Variants in SLC12A4 observed in about 807,000 individuals in gnomAD.
The protein encoded by SLC12A4 is electroneutral potassium-chloride cotransporter 1.
SLC12A4 carries 84 observed loss-of-function variants against 119.2 expected under a neutral mutation model. The ratio of observed to expected loss-of-function variants is 0.70; its 90% confidence interval spans 0.59 to 0.85. The LOEUF is 0.85. SLC12A4 is among the 40% of genes least tolerant of loss of function. SLC12A4 has a pLI of 0.00. For missense variants in SLC12A4, 1,298 were observed against 1,476.3 expected (o/e 0.88, Z 1.98); for synonymous variants, 599 against 604.6 (o/e 0.99, Z 0.14).
At chr16:67,953,112 A>G (rs1448240875) in intron 6 of SLC12A4, among the ~76,000 whole-genome samples, 1 of 151,904 alleles carries the variant, frequency 6.6e-6, no homozygotes, top group East Asian at 1.9e-4. Context: ...AAATAAATGA[A>G]TAGGCCGGGC....
Position 67,952,392 on chromosome 16 carries a change from G to C in SLC12A4, c.709C>G (p.Pro237Ala). The C allele has an allele frequency of 6.2e-7, 1 of 1,614,108 alleles. No homozygotes were observed. Among genetic ancestry groups the C allele is most frequent in the Non-Finnish European group, 8.5e-7 (1 of 1,179,982 alleles). Residue 237 changes from proline to alanine, a missense_variant, in exon 7 of 24, where the codon CCA (proline) becomes GCA (alanine). Physicochemically the swap from Pro to Ala is conservative, Grantham distance 27. Transcript: ENST00000316341. ...TTCGACGTGTCATGAGCACCCGATG[G>C]GTAAAAAATGGCAGCTGGTGGGGCA... is the stretch of plus-strand genomic sequence containing the variant. ...YIAPPAAIFYPSGAHDTSNAT... is the reference protein window; with the variant it reads ...YIAPPAAIFYASGAHDTSNAT...
At position 67,943,574 on chromosome 16, in the gene SLC12A4, C is replaced by T; in HGVS notation, c.*1266G>A. ...ATAGGGGCCGGGCATGGATGGGCCT[C>T]TCCTGCTCACCGATCCTGGGCTGGG... is the stretch of plus-strand genomic sequence containing the variant. On this transcript the variant is annotated 3_prime_UTR_variant, in exon 24 of 24. Transcript: ENST00000316341. The surrounding 1 kb of genome is among the most constrained non-coding windows in gnomAD (Gnocchi z 4.6). 1 of 506,686 alleles carries T rather than the reference C, an allele frequency of 2.0e-6. No homozygotes were observed. Among genetic ancestry groups the T allele is most frequent in the Non-Finnish European group, 3.6e-6 (1 of 277,736 alleles). The allele number at this position is 506,686 out of a possible 1,614,324, so 31.4% of individuals were successfully genotyped here.
In SLC12A4 at chr16:67,950,589, G is replaced by C; in HGVS notation, c.1454+65C>G. The C allele has an allele frequency of 6.2e-7, 1 of 1,607,584 alleles. No homozygotes were observed. The highest frequency in any genetic ancestry group is 8.5e-7 in the Non-Finnish European group (1 of 1,176,484). ...CAGGCTTAGGACCACCCACGGGGTT[G>C]GGAGCTGGTGTGAGGGCAGGCCAAA... On this transcript the variant is annotated intron_variant, in intron 11 of 23. Transcript: ENST00000316341. The surrounding 1 kb of genome is among the most constrained non-coding windows in gnomAD (Gnocchi z 4.3).
intron 5 of SLC12A4, 49 bp from the exon 6 acceptor site, chr16:67,954,822 C>T: frequency 6.2e-7 from 1 of 1,610,340 alleles, no homozygotes; most frequent in South Asian, 1.1e-5. Context: ...GGTTCTTCTT[C>T]AAGGGGTCTC....
intron 6 of SLC12A4, among the ~76,000 whole-genome samples, chr16:67,952,651 C>T (rs1421976879): frequency 1.3e-5 from 2 of 148,662 alleles, no homozygotes; most frequent in Non-Finnish European, 3.0e-5. Flanking sequence ...ATTAGCCGGG[C>T]GTGGTGGCAC....
intron 6 of SLC12A4, chr16:67,954,223 A>C (rs1402415232): frequency 8.8e-6 from 3 of 339,628 alleles, no homozygotes; most frequent in South Asian, 6.5e-5. Flanking sequence ...GCTTACCCTG[A>C]TTGAAGGACA....
chr16:67,943,656 T>G lies in SLC12A4; in HGVS notation c.*1184A>C. 1 of 524,250 alleles carries G rather than the reference T, an allele frequency of 1.9e-6. No homozygotes were observed. The highest frequency in any genetic ancestry group is 3.4e-6 in the Non-Finnish European group (1 of 291,368). The allele number at this position is 524,250 out of a possible 1,614,324, so 32.5% of individuals were successfully genotyped here. On this transcript the variant is annotated 3_prime_UTR_variant, in exon 24 of 24. Coordinates refer to ENST00000316341, the MANE Select transcript of SLC12A4 (RefSeq NM_005072.5). The surrounding 1 kb of genome is among the most constrained non-coding windows in gnomAD (Gnocchi z 4.6). ...AGGAGTGGTGGGGCTTGGCCCAGAG[T>G]CTGGTGTGGCTGTGACTGACCACAG... is the stretch of plus-strand genomic sequence containing the variant.
At position 67,957,988 on chromosome 16, in the gene SLC12A4, A is replaced by G; in HGVS notation, c.399T>C (p.Phe133=). Residue 133 remains phenylalanine, a synonymous_variant, in exon 4 of 24, where the codon TTT becomes TTC. Coordinates refer to ENST00000316341, the MANE Select transcript of SLC12A4 (RefSeq NM_005072.5). ...TCAGCCGCAGGAAGAGGATAACCCCAAAGATATTCTGCAGGCAGGGCAGGT... is the reference window on the plus strand; with the variant it reads ...TCAGCCGCAGGAAGAGGATAACCCCGAAGATATTCTGCAGGCAGGGCAGGT... ...GVYLPCLQNI[F]GVILFLRLTW... is the part of the protein sequence containing the mutation. The G allele has an allele frequency of 1.2e-5, 20 of 1,614,190 alleles. No individual in the cohort carries two copies. Among genetic ancestry groups the G allele is most frequent in the Non-Finnish European group, 1.5e-5 (18 of 1,180,024 alleles).
In SLC12A4 at chr16:67,957,940, A is replaced by T. The variant is rs749376127; in HGVS notation, c.447T>A (p.Gly149=). Residue 149 remains glycine, a synonymous_variant, in exon 4 of 24, where the codon GGT becomes GGA. Transcript: ENST00000316341. ...LRLTWMVGTA[G]VLQALLIVLI... ...GCACGATGAGGAGGGCCTGTAGCAC[A>T]CCTGCTGTGCCCACCATCCAGGTCA... 6.2e-7 allele frequency: 1 copy of T among 1,614,178 alleles called. No individual in the cohort carries two copies. The highest frequency in any genetic ancestry group is 1.1e-5 in the South Asian group (1 of 91,084).
At chr16:67,962,310 AC>A (rs1431747026) in intron 2 of SLC12A4, 1 of 152,268 alleles carries the variant, frequency 6.6e-6, no homozygotes, top group East Asian at 1.9e-4. Context: ...CAAGGCCTTC[AC>A]CGCAGAACCT....
chr16:67,967,544 T>C (rs28655136), intron 1 of SLC12A4, among the ~76,000 whole-genome samples: 11,002 of 152,232 alleles, frequency 0.072, 572 homozygotes, highest in Middle Eastern at 0.18. Context: ...GCCGTGTTCG[T>C]GCTCCGAGGG....
intron 16 of SLC12A4, 58 bp downstream of exon 16, chr16:67,947,273 C>T: frequency 1.3e-6 from 2 of 1,558,498 alleles, no homozygotes; most frequent in Middle Eastern, 1.9e-4. Context: ...GACCCTCTGA[C>T]CCCGACAGCG....
In SLC12A4 at chr16:67,968,564, C is replaced by T. The variant is rs1197607665; in HGVS notation, c.-11G>A. 1.3e-6 allele frequency: 2 copies of T among 1,486,008 alleles called. No homozygotes were observed. The highest frequency in any genetic ancestry group is 8.9e-7 in the Non-Finnish European group (1 of 1,121,266). The allele number at this position is 1,486,008 out of a possible 1,614,324, so 92.1% of individuals were successfully genotyped here. ...GGTGAAGTGAGGCATCGTGCGGGCT[C>T]GGCCCCGCCGCACCCGCCGTCCCAG... On this transcript the variant is annotated 5_prime_UTR_variant, in exon 1 of 24. Coordinates refer to ENST00000316341, the MANE Select transcript of SLC12A4 (RefSeq NM_005072.5).
At chr16:67,957,660 G>T in intron 5 of SLC12A4, 82 bp downstream of exon 5, 1 of 1,524,284 alleles carries the variant, frequency 6.6e-7, no homozygotes, top group Non-Finnish European at 9.0e-7. Flanking sequence ...GGGCAGGGGT[G>T]TGCTATGGGG....
In SLC12A4 at chr16:67,945,869, A is replaced by G. The variant is rs765753563; in HGVS notation, c.2742T>C (p.His914=). ...LEAEVEVVEM[H]NSDISAYTYE... ...AGGTGTATGCAGAGATGTCACTGTT[A>G]TGCTGGGGACAGGGTTGGCCGTGAG... is the stretch of plus-strand genomic sequence containing the variant. The change falls in exon 21 of 24, where the codon CAT becomes CAC. Residue 914 remains histidine (H), a splice_region_variant and synonymous_variant. Coordinates refer to ENST00000316341, the MANE Select transcript of SLC12A4 (RefSeq NM_005072.5). 1.9e-6 allele frequency: 3 copies of G among 1,614,034 alleles called. No homozygotes were observed. The South Asian group carries it at 3.3e-5, about 18-fold the overall frequency.
chr16:67,947,263 G>A (rs749131500), intron 16 of SLC12A4, 68 bp downstream of exon 16: 52 of 1,530,004 alleles, frequency 3.4e-5, no homozygotes, highest in Non-Finnish European at 4.3e-5. Context: ...GGCACCTCTC[G>A]ACCCTCTGAC....
chr16:67,968,367 G>GGGCC (rs2030957142), intron 1 of SLC12A4, 72 bp downstream of exon 1: 1 of 1,349,952 alleles, frequency 7.4e-7, no homozygotes, highest in Non-Finnish European at 9.9e-7. Flanking sequence ...AGGTGCGGGC[G>GGGCC]CGGGCCCGGG....
intron 2 of SLC12A4, 49 bp downstream of exon 2, chr16:67,963,416 T>C (rs751566564): frequency 7.5e-7 from 1 of 1,335,494 alleles, no homozygotes; most frequent in Non-Finnish European, 1.0e-6. Flanking sequence ...CCTGCTTAGC[T>C]AAAGCCTCTG....
intron 6 of SLC12A4, 134 bp downstream of exon 6, chr16:67,954,509 C>T (rs1598221014): frequency 3.6e-6 from 4 of 1,117,814 alleles, no homozygotes; most frequent in East Asian, 4.9e-5. Context: ...CTTTGTCTCT[C>T]GAAGAGGCTT....
Sources: gnomAD v4.1 joint callset for allele counts (sites outside exome capture counted in the v4.1 genomes callset) on GRCh38, gnomAD v4.1.1 for gene constraint, Gnocchi (gnomAD v3.1) non-coding constraint, MANE v1.5 for transcripts, NCBI Gene and HGNC (gene_info 2026-07-23, HGNC 2026-07-21) for gene names.